HNRNPA3: variants seen among roughly 807,000 people sequenced by gnomAD.
The protein encoded by HNRNPA3 is epididymis secretory sperm binding protein.
HNRNPA3 carries 3 observed loss-of-function variants against 45.8 expected under a neutral mutation model. That is an observed-to-expected ratio of 0.07 (90% CI 0.03 to 0.17). The LOEUF is 0.17. HNRNPA3 is among the 10% of genes least tolerant of loss of function. The pLI, the probability that HNRNPA3 is intolerant of heterozygous loss-of-function variation, is 1.00. For synonymous variants in HNRNPA3, 170 were observed against 155.6 expected (o/e 1.09, Z -0.69); for missense variants, 183 against 480.3 (o/e 0.38, Z 5.79).
downstream of HNRNPA3, chr2:177,223,086 GA>G (rs1246302070): frequency 2.0e-5 from 3 of 152,476 alleles, no homozygotes. Flanking sequence ...ATCCTTTGGA[GA>G]CATACTGAAA....
chr2:177,218,696 C>T (rs1226530362), intron 8 of HNRNPA3, among the ~76,000 whole-genome samples: 1 of 152,126 alleles, frequency 6.6e-6, no homozygotes, highest in African/African-American at 2.4e-5. Context: ...TTTATTGGAC[C>T]TAATTAACAT....
At chr2:177,216,210 C>T in intron 4 of HNRNPA3, 22 bp downstream of exon 4, 2 of 1,449,132 alleles carry the variant, frequency 1.4e-6, no homozygotes, top group Non-Finnish European at 1.9e-6. Flanking sequence ...TTTATGGTAA[C>T]TTGAATGAGA....
At chr2:177,216,824 A>G in intron 6 of HNRNPA3, 36 bp from the exon 7 acceptor site, 2 of 1,613,144 alleles carry the variant, frequency 1.2e-6, no homozygotes, top group Non-Finnish European at 1.7e-6. Context: ...GGTAAGTTGA[A>G]TATATTATTT....
intron 1 of HNRNPA3, among the ~76,000 whole-genome samples, chr2:177,214,472 T>A (rs1443089162): frequency 1.3e-5 from 2 of 152,138 alleles, no homozygotes; most frequent in Non-Finnish European, 2.9e-5. Context: ...CATTCAGAAC[T>A]TTTAGATTGT....
intron 8 of HNRNPA3, among the ~76,000 whole-genome samples, 200 bp downstream of exon 8, chr2:177,218,045 C>CTTTTTT (rs1182076649): frequency 9.3e-6 from 1 of 107,638 alleles, no homozygotes; most frequent in African/African-American, 3.7e-5. Context: ...ACTCAGCTCT[C>CTTTTTT]TTTTTTCTTT....
chr2:177,212,893 G>A, intron 1 of HNRNPA3, 22 bp downstream of exon 1: 1 of 1,423,262 alleles, frequency 7.0e-7, no homozygotes, highest in South Asian at 1.3e-5. Context: ...AGAGCGGGGG[G>A]TTGGTGGGGA....
At chr2:177,216,398 C>T (rs927024543) in intron 4 of HNRNPA3, 105 bp from the exon 5 acceptor site, 2 of 819,260 alleles carry the variant, frequency 2.4e-6, no homozygotes, top group Admixed American at 2.4e-5. Flanking sequence ...GAGTCACTAC[C>T]TGATTATGTC....
chr2:177,217,900 C>T, intron 8 of HNRNPA3, 55 bp downstream of exon 8: 1 of 1,413,534 alleles, frequency 7.1e-7, no homozygotes, highest in Non-Finnish European at 9.5e-7. Context: ...GCTAACAGTT[C>T]CCATGACACA....
Position 177,219,111 on chromosome 2 carries a change from A to C in HNRNPA3, c.1036A>C (p.Met346Leu). 2 of 1,614,152 alleles carry C rather than the reference A, an allele frequency of 1.2e-6. No individual in the cohort carries two copies. Among genetic ancestry groups the C allele is most frequent in the Non-Finnish European group, 1.7e-6 (2 of 1,180,010 alleles). ...ACAACAGCAATCAAATTATGGACCC[A>C]TGAAAGGGGGCAGTTTTGGTGGAAG... The change falls in exon 9 of 11, where the codon ATG (methionine) becomes CTG (leucine). Residue 346 changes from methionine to leucine, a missense_variant. Coordinates refer to ENST00000392524, the Ensembl canonical transcript of HNRNPA3.
At chr2:177,217,633 A>C (rs1689001845) in intron 7 of HNRNPA3, 72 bp from the exon 8 acceptor site, 2 of 1,582,598 alleles carry the variant, frequency 1.3e-6, no homozygotes, top group South Asian at 1.1e-5. Context: ...TCTCTTACAC[A>C]CACACCAGAA....
intron 8 of HNRNPA3, 66 bp from the exon 9 acceptor site, chr2:177,218,971 C>T (rs1211311643): frequency 1.3e-6 from 2 of 1,576,582 alleles, no homozygotes; most frequent in African/African-American, 1.4e-5. Context: ...ATAATAGTTA[C>T]ATACGTTAAA....
At chr2:177,220,166 A>G (rs1461908524), downstream of HNRNPA3, 1 of 152,618 alleles carries the variant, frequency 6.6e-6, no homozygotes, top group Non-Finnish European at 1.5e-5. Flanking sequence ...TTAAAATGTA[A>G]TCATATGATT....
rs1424341050 is a variant in HNRNPA3, at chr2:177,219,231, C to T, written c.1085-16C>T. On this transcript the variant is annotated splice_polypyrimidine_tract_variant and intron_variant, in intron 9 of 10. Transcript: ENST00000392524. ...AAATGTGCATACTTCTTTTAAAATA[C>T]TATGTATATTTTCAGGTGGTTATGG... is the stretch of plus-strand genomic sequence containing the variant. 3 of 1,612,144 alleles carry T rather than the reference C, an allele frequency of 1.9e-6. No individual in the cohort carries two copies. Among genetic ancestry groups the T allele is most frequent in the East Asian group, 4.5e-5 (2 of 44,882 alleles).
intron 1 of HNRNPA3, among the ~76,000 whole-genome samples, chr2:177,213,862 A>C (rs917183312): frequency 1.3e-5 from 2 of 152,264 alleles, no homozygotes; most frequent in Non-Finnish European, 2.9e-5. Context: ...ACGTTTTTGC[A>C]GTACATTTAA....
intron 4 of HNRNPA3, 49 bp from the exon 5 acceptor site, chr2:177,216,454 T>C: frequency 7.1e-7 from 1 of 1,404,950 alleles, no homozygotes; most frequent in Non-Finnish European, 1.0e-6. Flanking sequence ...TATGTGCTTT[T>C]CCAAACATAA....
intron 1 of HNRNPA3, among the ~76,000 whole-genome samples, chr2:177,213,189 T>G (rs1488782737): frequency 2.4e-5 from 3 of 123,366 alleles, no homozygotes; most frequent in African/African-American, 6.2e-5. Flanking sequence ...CGGGAGCGGT[T>G]GGGAGGAGGT....
At chr2:177,214,182 CTTAA>C (rs1468984364) in intron 1 of HNRNPA3, among the ~76,000 whole-genome samples, 1 of 152,204 alleles carries the variant, frequency 6.6e-6, no homozygotes, top group Non-Finnish European at 1.5e-5. Flanking sequence ...TTCAAGACAT[CTTAA>C]TTCTTAAAAA....
exon 6 of HNRNPA3, chr2:177,216,766 G>C (rs1688958514): frequency 6.2e-7 from 1 of 1,614,088 alleles, no homozygotes; most frequent in Admixed American, 1.7e-5. Context: ...AACTTTGGTG[G>C]AAGAGGTAGG....
At chr2:177,217,110 T>A (rs555416551) in intron 7 of HNRNPA3, among the ~76,000 whole-genome samples, 170 bp downstream of exon 7, 1 of 152,206 alleles carries the variant, frequency 6.6e-6, no homozygotes, top group East Asian at 1.9e-4. Flanking sequence ...GGAGAGACAT[T>A]AGCTGCTCTT....
Sources: gnomAD v4.1 joint callset for allele counts (sites outside exome capture counted in the v4.1 genomes callset) on GRCh38, gnomAD v4.1.1 for gene constraint, MANE v1.5 for transcripts, NCBI Gene and HGNC (gene_info 2026-07-23, HGNC 2026-07-21) for gene names.